TLL1: variants seen among roughly 807,000 people sequenced by gnomAD.
TLL1 encodes tolloid like 1, also known as tolloid-like protein 1.
TLL1 carries 49 observed loss-of-function variants against 128.2 expected under a neutral mutation model. The observed-to-expected ratio is 0.38, with a 90% CI of 0.30 to 0.48. The LOEUF (loss-of-function observed/expected upper bound fraction) is 0.48. Ranked by LOEUF, TLL1 falls within the 20% of genes least tolerant of loss-of-function variation. The pLI is 0.96. For missense variants in TLL1, 1,123 were observed against 1,242.0 expected, an observed-to-expected ratio of 0.90 and a Z score of 1.44; for synonymous variants, 454 against 418.8, an observed-to-expected ratio of 1.08 and a Z score of -1.03.
intron 1 of TLL1, among the ~76,000 whole-genome samples, chr4:165,888,253 G>A (rs1167101171): frequency 6.6e-6 from 1 of 151,930 alleles, no homozygotes; most frequent in Non-Finnish European, 1.5e-5. Flanking sequence ...ATTCTATTTG[G>A]TATTTTTTTA....
chr4:166,103,882 TATTTTTAAAAGTCA>T lies in TLL1; in HGVS notation c.*3012_*3025del, dbSNP rs1742399400. On this transcript the variant is annotated 3_prime_UTR_variant, in exon 21 of 21. Coordinates refer to ENST00000061240, the MANE Select transcript of TLL1 (RefSeq NM_012464.5). ...CTGTTCTCACTTGATTTTATTAAAT[TATTTTTAAAAGTCA>T]ATTTTGAAAATAACTGTATTTTATT... The T allele has an allele frequency of 6.6e-6, 1 of 151,518 alleles. No individual in the cohort carries two copies. Among genetic ancestry groups the T allele is most frequent in the East Asian group, 1.9e-4 (1 of 5,130 alleles). The allele number at this position is 151,518 out of a possible 1,614,324, so 9.4% of individuals were successfully genotyped here.
rs1739321029 is a variant in TLL1, at chr4:166,043,329, T to C, written c.1434T>C (p.Tyr478=). 6.2e-7 allele frequency: 1 copy of C among 1,614,038 alleles called. No homozygotes were observed. The highest frequency in any genetic ancestry group is 8.5e-7 in the Non-Finnish European group (1 of 1,180,010). ...KNEGQIQSPN[Y]PDDYRPMKEC... ...AAGGACAGATTCAGTCTCCCAATTA[T>C]CCTGATGACTATCGCCCGATGAAAG... The change falls in exon 12 of 21, where the codon TAT becomes TAC. Residue 478 remains tyrosine, a synonymous_variant. Coordinates refer to ENST00000061240, the MANE Select transcript of TLL1 (RefSeq NM_012464.5).
At chr4:166,012,368 G>A (rs557343039) in intron 7 of TLL1, among the ~76,000 whole-genome samples, 1 of 151,602 alleles carries the variant, frequency 6.6e-6, no homozygotes, top group African/African-American at 2.4e-5. Context: ...CCCTTGAAAT[G>A]GAAGGGAGAT....
At chr4:166,084,251 GTTGT>G (rs1183851360) in intron 18 of TLL1, among the ~76,000 whole-genome samples, 1 of 151,976 alleles carries the variant, frequency 6.6e-6, no homozygotes, top group Non-Finnish European at 1.5e-5. Context: ...TTGTTATTGA[GTTGT>G]TTGAGTTCCT....
rs1742356839 is a variant in TLL1, at chr4:166,102,920, A to G, written c.*2044A>G. The G allele has an allele frequency of 6.6e-6, 1 of 151,942 alleles. No homozygotes were observed. The highest frequency in any genetic ancestry group is 1.5e-5 in the Non-Finnish European group (1 of 67,910). 9.4% of individuals were successfully genotyped at this position (151,942 alleles called of 1,614,324 possible). On this transcript the variant is annotated 3_prime_UTR_variant, in exon 21 of 21. Transcript: ENST00000061240. ...AATCTCCCGTTAGCCAAAATATGCC[A>G]GAAATGGGAAAGAGAGGAGAAAAAG...
chr4:165,878,113 C>A (rs762094400), intron 1 of TLL1, among the ~76,000 whole-genome samples: 3 of 152,134 alleles, frequency 2.0e-5, no homozygotes, highest in Non-Finnish European at 2.9e-5. Flanking sequence ...TAATTTTCCT[C>A]AGTTTATAAT....
chr4:165,936,346 A>G (rs1013243129), intron 1 of TLL1, among the ~76,000 whole-genome samples: 6 of 151,004 alleles, frequency 4.0e-5, no homozygotes, highest in Non-Finnish European at 8.9e-5. Context: ...CAGCCTCCCA[A>G]GTAGCTGGAA....
At chr4:166,085,255 A>G (rs1419739264) in intron 18 of TLL1, among the ~76,000 whole-genome samples, 1 of 124,538 alleles carries the variant, frequency 8.0e-6, no homozygotes, top group South Asian at 2.5e-4. Context: ...TTTTTTTTTC[A>G]ATTTGGATGC....
intron 7 of TLL1, 74 bp downstream of exon 7, chr4:166,008,122 A>T (rs1480106464): frequency 9.2e-7 from 1 of 1,088,284 alleles, no homozygotes; most frequent in Non-Finnish European, 1.4e-6. Context: ...GCTATGCCTG[A>T]CATTAGAACT....
At chr4:165,876,315 A>G (rs981704809) in intron 1 of TLL1, among the ~76,000 whole-genome samples, 2 of 149,012 alleles carry the variant, frequency 1.3e-5, no homozygotes, top group African/African-American at 5.0e-5. Flanking sequence ...ATGAAATACT[A>G]CATTGAAATC....
At chr4:165,894,842 AGTGT>A (rs34248657) in intron 1 of TLL1, among the ~76,000 whole-genome samples, 9,883 of 141,736 alleles carry the variant, frequency 0.07, 581 homozygotes, top group African/African-American at 0.17. Flanking sequence ...TCAAATGATG[AGTGT>A]GTGTGTGTGT....
intron 1 of TLL1, among the ~76,000 whole-genome samples, chr4:165,948,312 A>G (rs542630656): frequency 2.0e-5 from 3 of 152,112 alleles, no homozygotes; most frequent in Admixed American, 6.6e-5. Context: ...CAGGAGTTAT[A>G]CCCAATGGAT....
At chr4:166,091,445 G>A in intron 19 of TLL1, 104 bp downstream of exon 19, 1 of 986,034 alleles carries the variant, frequency 1.0e-6, no homozygotes, top group South Asian at 1.5e-5. Context: ...TCCAAGCATA[G>A]CAGATAAAAT....
intron 1 of TLL1, among the ~76,000 whole-genome samples, chr4:165,914,639 G>C (rs1282445858): frequency 6.6e-6 from 1 of 152,192 alleles, no homozygotes; most frequent in Non-Finnish European, 1.5e-5. Context: ...ATTCATTTCT[G>C]TGATGAGTTC....
chr4:165,970,232 C>G (rs1322527155), intron 1 of TLL1, among the ~76,000 whole-genome samples: 1 of 152,106 alleles, frequency 6.6e-6, no homozygotes, highest in Non-Finnish European at 1.5e-5. Flanking sequence ...TAGAGATGCT[C>G]TATTCTATTT....
chr4:166,085,548 G>T (rs1741472522), intron 18 of TLL1, among the ~76,000 whole-genome samples: 1 of 151,074 alleles, frequency 6.6e-6, no homozygotes, highest in Admixed American at 6.6e-5. Context: ...GATCATTTTT[G>T]TCCTTCATTC....
intron 1 of TLL1, among the ~76,000 whole-genome samples, chr4:165,927,893 T>C (rs1270684752): frequency 1.3e-5 from 2 of 152,204 alleles, no homozygotes; most frequent in African/African-American, 4.8e-5. Context: ...CAGTTTGGTT[T>C]CTTCTTTATC....
chr4:166,082,708 C>G (rs1051002740), intron 18 of TLL1, among the ~76,000 whole-genome samples: 1 of 151,960 alleles, frequency 6.6e-6, no homozygotes, highest in East Asian at 1.9e-4. Context: ...GGTGGAGTCT[C>G]GCTCTGTCAC....
intron 1 of TLL1, among the ~76,000 whole-genome samples, chr4:165,980,045 A>G (rs551045900): frequency 5.3e-5 from 8 of 152,294 alleles, no homozygotes; most frequent in Non-Finnish European, 1.0e-4. Context: ...GCAAGTGCCT[A>G]TCCAAACCGT....
Sources: gnomAD v4.1 joint callset for allele counts (sites outside exome capture counted in the v4.1 genomes callset) on GRCh38, gnomAD v4.1.1 for gene constraint, MANE v1.5 for transcripts, NCBI Gene and HGNC (gene_info 2026-07-23, HGNC 2026-07-21) for gene names.